Variants in CYP2J2 observed in about 807,000 individuals in gnomAD.
CYP2J2 encodes cytochrome P450 2J2.
Under a neutral mutation model 48.8 loss-of-function variants are expected in CYP2J2, and 41 were observed. The ratio of observed to expected loss-of-function variants is 0.84; its 90% CI spans 0.66 to 1.09. The LOEUF (loss-of-function observed/expected upper bound fraction) is 1.09, where lower values mean the gene tolerates loss of function less well. CYP2J2 is among the 50% of genes least tolerant of loss of function. The pLI, the probability that CYP2J2 is intolerant of heterozygous loss-of-function variation, is 0.00. For missense variants in CYP2J2, 644 were observed against 617.3 expected, an observed-to-expected ratio of 1.04 and a Z score of -0.46; for synonymous variants, 221 against 227.1, an observed-to-expected ratio of 0.97 and a Z score of 0.24.
the CYP2J2 span, among the ~76,000 whole-genome samples, chr1:59,968,233 C>T: frequency 6.6e-6 from 1 of 152,180 alleles, no homozygotes; most frequent in Non-Finnish European, 1.5e-5. Flanking sequence ...AGCACCCAAA[C>T]AAGAGATGAG....
At chr1:59,948,476 ATTAT>A in the CYP2J2 span, among the ~76,000 whole-genome samples, 154 of 152,332 alleles carry the variant, frequency 1.0e-3, no homozygotes, top group Admixed American at 8.5e-4. Context: ...ATGGTCATAA[ATTAT>A]TTATGTTATA....
chr1:59,962,523 T>C, the CYP2J2 span, among the ~76,000 whole-genome samples: 4 of 152,286 alleles, frequency 2.6e-5, no homozygotes, highest in Admixed American at 2.6e-4. Flanking sequence ...GAATTAGAGC[T>C]GGTAAGATTG....
intron 1 of CYP2J2, among the ~76,000 whole-genome samples, chr1:59,917,652 G>A (rs774555267): frequency 2.0e-4 from 31 of 152,194 alleles, no homozygotes; most frequent in Non-Finnish European, 2.9e-4. Context: ...GAATGGGGAT[G>A]TGTATGTTCA....
At chr1:59,929,320 A>C (rs1388370366), upstream of CYP2J2, among the ~76,000 whole-genome samples, 1 of 152,238 alleles carries the variant, frequency 6.6e-6, no homozygotes, top group African/African-American at 2.4e-5. Context: ...AATTGCCATA[A>C]TATATTATCT....
intron 1 of CYP2J2, among the ~76,000 whole-genome samples, chr1:59,917,096 G>C (rs12074911): frequency 6.6e-6 from 1 of 152,262 alleles, no homozygotes; most frequent in Non-Finnish European, 1.5e-5. Flanking sequence ...TCTTGCGGAA[G>C]TTGCTTTATT....
chr1:59,923,065 T>C (rs552905674), intron 1 of CYP2J2, among the ~76,000 whole-genome samples: 1 of 151,608 alleles, frequency 6.6e-6, no homozygotes, highest in Non-Finnish European at 1.5e-5. Flanking sequence ...TCTACAGTAA[T>C]AAGGAGGTGC....
chr1:59,902,407 T>C (rs1281845869), intron 7 of CYP2J2, among the ~76,000 whole-genome samples: 2 of 151,742 alleles, frequency 1.3e-5, no homozygotes, highest in Admixed American at 1.3e-4. Flanking sequence ...TTAATATCAA[T>C]GATTGCCAAT....
At chr1:59,925,287 AC>A (rs1644554411) in intron 1 of CYP2J2, among the ~76,000 whole-genome samples, 1 of 152,194 alleles carries the variant, frequency 6.6e-6, no homozygotes, top group Non-Finnish European at 1.5e-5. Flanking sequence ...CAATATCATT[AC>A]CCAGTAAAAT....
chr1:59,897,906 C>A (rs1007292963), intron 8 of CYP2J2, among the ~76,000 whole-genome samples: 1 of 152,074 alleles, frequency 6.6e-6, no homozygotes, highest in African/African-American at 2.4e-5. Context: ...AACTGCATGC[C>A]AAAAGATGGG....
At chr1:59,906,726 G>T (rs1016396938) in intron 6 of CYP2J2, among the ~76,000 whole-genome samples, 1 of 152,062 alleles carries the variant, frequency 6.6e-6, no homozygotes, top group Non-Finnish European at 1.5e-5. Flanking sequence ...CATGTAAGTG[G>T]AATCATACAG....
the CYP2J2 span, among the ~76,000 whole-genome samples, chr1:59,943,648 C>G: frequency 6.6e-6 from 1 of 150,796 alleles, no homozygotes. Context: ...CAAGAGCTTT[C>G]AAAAGTATTG....
chr1:59,943,241 TGAAA>T, the CYP2J2 span, among the ~76,000 whole-genome samples: 1 of 152,092 alleles, frequency 6.6e-6, no homozygotes, highest in Non-Finnish European at 1.5e-5. Flanking sequence ...CAAGAGGTAC[TGAAA>T]GACTCTTAGA....
the CYP2J2 span, among the ~76,000 whole-genome samples, chr1:59,957,163 A>T: frequency 6.6e-6 from 1 of 152,164 alleles, no homozygotes; most frequent in Admixed American, 6.5e-5. Context: ...TTTTAGGATG[A>T]TTTGTTCAAC....
At chr1:59,910,222 C>G (rs11572270) in intron 4 of CYP2J2, among the ~76,000 whole-genome samples, 1,709 of 152,296 alleles carry the variant, frequency 0.011, 25 homozygotes, top group African/African-American at 0.039. Context: ...CTGGGGACAT[C>G]TGAGCACTGG....
intron 8 of CYP2J2, among the ~76,000 whole-genome samples, chr1:59,898,733 A>G (rs1219511281): frequency 6.6e-6 from 1 of 152,212 alleles, no homozygotes; most frequent in East Asian, 1.9e-4. Flanking sequence ...GATCTTGGAT[A>G]AGAAAGAACT....
chr1:59,941,274 T>C, the CYP2J2 span, among the ~76,000 whole-genome samples: 1 of 152,216 alleles, frequency 6.6e-6, no homozygotes, highest in East Asian at 1.9e-4. Flanking sequence ...AGTGGTCCCA[T>C]ACAGTTATAG....
At chr1:59,929,823 C>T (rs12027047), upstream of CYP2J2, among the ~76,000 whole-genome samples, 42,550 of 151,844 alleles carry the variant, frequency 0.28, 7,252 homozygotes, top group South Asian at 0.44. Context: ...AATACAATGG[C>T]GAGAAAAGAG....
chr1:59,965,479 G>T, the CYP2J2 span, among the ~76,000 whole-genome samples: 1 of 152,198 alleles, frequency 6.6e-6, no homozygotes, highest in Non-Finnish European at 1.5e-5. Flanking sequence ...GATACAGTGT[G>T]TTGTCATCTA....
chr1:59,927,477 C>G (rs1049368809), upstream of CYP2J2, among the ~76,000 whole-genome samples: 1 of 152,206 alleles, frequency 6.6e-6, no homozygotes, highest in African/African-American at 2.4e-5. Flanking sequence ...TGAGTGCCTG[C>G]TTGGGTTTCA....
Sources: allele counts gnomAD v4.1 joint callset (sites outside exome capture counted in the v4.1 genomes callset), GRCh38; gene constraint gnomAD v4.1.1; transcripts MANE v1.5; gene names NCBI Gene and HGNC (gene_info 2026-07-23, HGNC 2026-07-21).